Variants in SLC44A5 observed in about 807,000 individuals in gnomAD.
SLC44A5 encodes solute carrier family 44 member 5, also known as choline transporter-like protein 5.
A neutral mutation model predicts 101.8 loss-of-function variants in SLC44A5; 57 were observed. The ratio of observed to expected loss-of-function variants is 0.56; its 90% confidence interval spans 0.45 to 0.70. SLC44A5 has a LOEUF of 0.70. Among genes scored for constraint, SLC44A5 ranks in the 30% least tolerant of loss-of-function variants. SLC44A5 has a pLI of 0.00. For synonymous variants in SLC44A5, 281 were observed against 290.9 expected, an observed-to-expected ratio of 0.97 and a Z score of 0.35; for missense variants, 737 against 853.1, an observed-to-expected ratio of 0.86 and a Z score of 1.70.
chr1:75,321,450 C>A (rs1315952997), intron 4 of SLC44A5, among the ~76,000 whole-genome samples: 2 of 146,182 alleles, frequency 1.4e-5, no homozygotes, highest in Non-Finnish European at 3.0e-5. Context: ...TGTTATATGG[C>A]AGAGAGAGAG....
In SLC44A5 at chr1:75,251,200, T is replaced by A; in HGVS notation, c.345+10A>T. 6.2e-7 allele frequency: 1 copy of A among 1,600,836 alleles called. No individual in the cohort carries two copies. Among genetic ancestry groups the A allele is most frequent in the South Asian group, 1.1e-5 (1 of 90,664 alleles). ...GGCTGACACTACCAGTGAGGCACCT[T>A]TTGCCTTACCTGTGTGGTAGGGCAC... On this transcript the variant is annotated intron_variant, in intron 7 of 23. Transcript: ENST00000370859.
chr1:75,539,345 C>G (rs1398502335), intron 2 of SLC44A5, among the ~76,000 whole-genome samples: 2 of 151,066 alleles, frequency 1.3e-5, no homozygotes, highest in Middle Eastern at 3.2e-3. Flanking sequence ...GGTCACTGTT[C>G]TCAATGTGTT....
At chr1:75,590,071 G>A (rs796912785) in intron 1 of SLC44A5, among the ~76,000 whole-genome samples, 13 of 152,096 alleles carry the variant, frequency 8.5e-5, no homozygotes, top group African/African-American at 2.7e-4. Flanking sequence ...GGCACACGAC[G>A]TACTGAGACA....
Position 75,203,831 on chromosome 1 carries a change from C to T in SLC44A5, c.2050G>A (p.Glu684Lys), listed in dbSNP as rs1003220057. 1.3e-6 allele frequency: 2 copies of T among 1,547,812 alleles called. No homozygotes were observed. The highest frequency in any genetic ancestry group is 2.7e-5 in the African/African-American group (2 of 72,848). Residue 684 changes from glutamate to lysine, a missense_variant and splice_region_variant, in exon 24 of 24, where the codon GAA becomes AAA. Glu to Lys is a moderately conservative substitution (Grantham distance 56). Transcript: ENST00000370859. ...CVETIFICFL[E>K]DLERNDGSTA... Reference sequence around the variant, plus strand: ...GAACCATCATTTCTTTCTAAATCTTCCACTAGGAGGAAGAATGGTACAGAG... The same window carrying T: ...GAACCATCATTTCTTTCTAAATCTTTCACTAGGAGGAAGAATGGTACAGAG...
At chr1:75,374,994 A>C (rs549299535) in intron 3 of SLC44A5, among the ~76,000 whole-genome samples, 77 of 152,232 alleles carry the variant, frequency 5.1e-4, no homozygotes, top group Non-Finnish European at 8.1e-4. Flanking sequence ...TCTCTCCAGC[A>C]ATGGATCCTA....
chr1:75,340,172 C>T (rs1657767116), intron 3 of SLC44A5, among the ~76,000 whole-genome samples: 1 of 152,084 alleles, frequency 6.6e-6, no homozygotes, highest in Admixed American at 6.6e-5. Flanking sequence ...GCAGTTTTTT[C>T]AATCTACTGG....
At chr1:75,714,730 G>T in the SLC44A5 span, among the ~76,000 whole-genome samples, 1 of 152,170 alleles carries the variant, frequency 6.6e-6, no homozygotes, top group African/African-American at 2.4e-5. Flanking sequence ...AGGCTGGAGT[G>T]CAGTGGCGCG....
At chr1:75,450,527 A>C (rs942401557) in intron 2 of SLC44A5, among the ~76,000 whole-genome samples, 2 of 152,202 alleles carry the variant, frequency 1.3e-5, no homozygotes, top group African/African-American at 4.8e-5. Flanking sequence ...AACACACCTC[A>C]GTAGTAGGTG....
intron 3 of SLC44A5, among the ~76,000 whole-genome samples, chr1:75,391,155 T>C (rs1294081953): frequency 6.6e-6 from 1 of 151,938 alleles, no homozygotes; most frequent in African/African-American, 2.4e-5. Flanking sequence ...AATAGAGAAC[T>C]ACAAGGAGAA....
intron 2 of SLC44A5, among the ~76,000 whole-genome samples, chr1:75,441,914 C>T (rs1246619707): frequency 6.6e-6 from 1 of 152,078 alleles, no homozygotes; most frequent in South Asian, 2.1e-4. Context: ...TTGAACAACT[C>T]AATTAGCAAG....
chr1:75,672,373 C>T, the SLC44A5 span, among the ~76,000 whole-genome samples: 38 of 152,204 alleles, frequency 2.5e-4, no homozygotes, highest in Middle Eastern at 3.4e-3. Context: ...AGGGGCAAAA[C>T]TCAGCCTGGG....
At position 75,256,195 on chromosome 1, in the gene SLC44A5, G is replaced by T. The variant is rs575833111; in HGVS notation, c.261-4901C>A. Among the ~76,000 whole-genome samples the T allele has an allele frequency of 3.3e-5, 5 of 152,216 alleles. No homozygotes were observed. In the East Asian group the frequency reaches 7.7e-4, roughly 23 times the overall value. ...ACTCTAGAAAAAGACAATTTAACAAGGTAGAGAAGCCCCAGAATTAAAGCT... is the reference window on the plus strand; with the variant it reads ...ACTCTAGAAAAAGACAATTTAACAATGTAGAGAAGCCCCAGAATTAAAGCT... On this transcript the variant is annotated intron_variant, in intron 6 of 23. Coordinates refer to ENST00000370859, the MANE Select transcript of SLC44A5 (RefSeq NM_001130058.2).
At chr1:75,552,689 A>T (rs192100876) in intron 1 of SLC44A5, among the ~76,000 whole-genome samples, 1 of 150,038 alleles carries the variant, frequency 6.7e-6, no homozygotes, top group Admixed American at 6.7e-5. Context: ...AGCATTGTTC[A>T]CAATAACTAA....
intron 2 of SLC44A5, among the ~76,000 whole-genome samples, chr1:75,498,107 C>T (rs1038490470): frequency 4.6e-5 from 7 of 152,094 alleles, no homozygotes; most frequent in Admixed American, 3.3e-4. Flanking sequence ...TACATTAAGA[C>T]TTTTTCAAAA....
At chr1:75,664,514 C>T in the SLC44A5 span, among the ~76,000 whole-genome samples, 39,132 of 151,880 alleles carry the variant, frequency 0.26, 5,371 homozygotes, top group Middle Eastern at 0.36. Context: ...CAATAACATT[C>T]AAGTTGAGAG....
At chr1:75,708,523 A>C in the SLC44A5 span, among the ~76,000 whole-genome samples, 2 of 152,022 alleles carry the variant, frequency 1.3e-5, no homozygotes, top group East Asian at 3.8e-4. Context: ...CAGTGATACA[A>C]GTTCAATGAC....
At chr1:75,340,039 C>G (rs1657752497) in intron 3 of SLC44A5, among the ~76,000 whole-genome samples, 1 of 152,168 alleles carries the variant, frequency 6.6e-6, no homozygotes, top group African/African-American at 2.4e-5. Context: ...TCCCAGCTCT[C>G]CCATTCCTCT....
intron 2 of SLC44A5, among the ~76,000 whole-genome samples, chr1:75,486,448 C>T (rs1395074738): frequency 1.3e-5 from 2 of 152,126 alleles, no homozygotes; most frequent in African/African-American, 4.8e-5. Context: ...ATGTTTTACT[C>T]TTATTCTATT....
intron 2 of SLC44A5, among the ~76,000 whole-genome samples, chr1:75,399,369 A>G (rs888223304): frequency 8.5e-5 from 13 of 152,180 alleles, no homozygotes; most frequent in Non-Finnish European, 1.5e-5. Flanking sequence ...ATAAGAAATA[A>G]AGAAGATAAA....
Sources: allele counts gnomAD v4.1 joint callset (sites outside exome capture counted in the v4.1 genomes callset), GRCh38; gene constraint gnomAD v4.1.1; transcripts MANE v1.5; gene names NCBI Gene and HGNC (gene_info 2026-07-23, HGNC 2026-07-21).